Variants in CFAP57 observed in about 807,000 individuals in gnomAD.
CFAP57 encodes the protein cilia and flagella associated protein 57.
In CFAP57, 116 loss-of-function variants were observed where a neutral mutation model predicts 146.8. The observed-to-expected ratio is 0.79, with a 90% CI of 0.68 to 0.92. The LOEUF (loss-of-function observed/expected upper bound fraction) is 0.92, where lower values mean the gene tolerates loss of function less well. Among genes scored for constraint, CFAP57 ranks in the 40% least tolerant of loss-of-function variants. The pLI is 0.00. For synonymous variants in CFAP57, 518 were observed against 552.8 expected (o/e 0.94, Z 0.88); for missense variants, 1,377 against 1,527.2 (o/e 0.90, Z 1.64).
chr1:43,219,206 A>G (rs1179282923), intron 12 of CFAP57, among the ~76,000 whole-genome samples, 176 bp from the exon 13 acceptor site: 2 of 152,216 alleles, frequency 1.3e-5, no homozygotes, highest in Non-Finnish European at 2.9e-5. Flanking sequence ...GGAAGCTCAT[A>G]TGTCTCCTCA....
chr1:43,231,580 G>T (rs535161512), intron 18 of CFAP57, among the ~76,000 whole-genome samples: 1 of 152,030 alleles, frequency 6.6e-6, no homozygotes, highest in African/African-American at 2.4e-5. Flanking sequence ...CAGCCCGGGC[G>T]CAGTGGCTCA....
chr1:43,187,947 G>A (rs1485833455), intron 6 of CFAP57, among the ~76,000 whole-genome samples: 1 of 152,048 alleles, frequency 6.6e-6, no homozygotes, highest in Admixed American at 6.6e-5. Context: ...AGGACTACAG[G>A]TGCACGCCAC....
intron 16 of CFAP57, 73 bp downstream of exon 16, chr1:43,223,070 C>T (rs1645110512): frequency 8.1e-6 from 12 of 1,473,076 alleles, no homozygotes; most frequent in African/African-American, 1.4e-5. Flanking sequence ...GGTGGACTGA[C>T]CGGCCTGGGG....
At chr1:43,179,720 T>A (rs1327965580) in intron 2 of CFAP57, among the ~76,000 whole-genome samples, 2 of 152,198 alleles carry the variant, frequency 1.3e-5, no homozygotes, top group Admixed American at 6.5e-5. Context: ...TTTAGAACCA[T>A]GTCCACCTGC....
intron 2 of CFAP57, among the ~76,000 whole-genome samples, chr1:43,177,476 GT>G (rs1303639450): frequency 6.6e-6 from 1 of 152,122 alleles, no homozygotes; most frequent in African/African-American, 2.4e-5. Flanking sequence ...CAGTAAGCAG[GT>G]TGATTTCAGG....
intron 2 of CFAP57, among the ~76,000 whole-genome samples, chr1:43,180,431 AGTGGATAAGTGGATG>A (rs1337319460): frequency 2.0e-5 from 3 of 151,784 alleles, no homozygotes. Context: ...CACTGTGTCT[AGTGGATAAGTGGATG>A]GTGGATACAG....
rs1557845135 is a variant in CFAP57, at chr1:43,254,023, T to A, written c.3585T>A (p.Asn1195Lys). ...GCACAGCTCCCACCGCAAGGTTGAA[T>A]GAGCAAGAAGAAACTGGGAGGATCA... ...MLSTAPTARL[N>K]EQEETGRIIE... Residue 1195 changes from asparagine to lysine, a missense_variant, in exon 23 of 23, where the codon AAT (asparagine) becomes AAA (lysine). Asn to Lys is a moderately conservative substitution (Grantham distance 94, BLOSUM62 0). Coordinates refer to ENST00000372492, the MANE Select transcript of CFAP57 (RefSeq NM_001378189.1). 2.6e-6 allele frequency: 4 copies of A among 1,550,526 alleles called. No homozygotes were observed. The highest frequency in any genetic ancestry group is 2.6e-6 in the Non-Finnish European group (3 of 1,147,000).
rs970873145 is a variant in CFAP57, at chr1:43,221,449, G to C, written c.2325G>C (p.Arg775=). 2 of 1,535,690 alleles carry C rather than the reference G, an allele frequency of 1.3e-6. No individual in the cohort carries two copies. ...AAGACCTCCTAGACAAGCAAAGCCGGGAACTGCAGGACATGGGTGAGCCCA... is the reference window on the plus strand; with the variant it reads ...AAGACCTCCTAGACAAGCAAAGCCGCGAACTGCAGGACATGGGTGAGCCCA... ...HIEDLLDKQS[R]ELQDMECCNN... is the part of the protein sequence containing the mutation. Residue 775 remains arginine, a synonymous_variant, in exon 14 of 23, where the codon CGG becomes CGC. Transcript: ENST00000372492.
At chr1:43,175,302 T>C (rs1028054004) in intron 2 of CFAP57, among the ~76,000 whole-genome samples, 5 of 151,976 alleles carry the variant, frequency 3.3e-5, no homozygotes, top group Non-Finnish European at 5.9e-5. Flanking sequence ...CCATATACTA[T>C]ATGTACATGT....
chr1:43,185,369 GAAAA>G lies in CFAP57; in HGVS notation c.969+18_969+21del. On this transcript the variant is annotated intron_variant, in intron 5 of 22. Coordinates refer to ENST00000372492, the MANE Select transcript of CFAP57 (RefSeq NM_001378189.1). ...CAGAGAAATCAGGGTAAGGCGGGAA[GAAAA>G]AAAAGAAGTAAAATGGGGGTCCTAT... 6.2e-7 allele frequency: 1 copy of G among 1,612,012 alleles called. No individual in the cohort carries two copies. Among genetic ancestry groups the G allele is most frequent in the East Asian group, 2.2e-5 (1 of 44,834 alleles).
intron 11 of CFAP57, among the ~76,000 whole-genome samples, chr1:43,215,025 C>T (rs537224963): frequency 1.1e-4 from 16 of 152,296 alleles, no homozygotes; most frequent in African/African-American, 3.6e-4. Context: ...TAGATAATAG[C>T]TGACTCTTCA....
intron 17 of CFAP57, among the ~76,000 whole-genome samples, chr1:43,226,673 T>C (rs1329025005): frequency 6.6e-6 from 1 of 152,210 alleles, no homozygotes; most frequent in Non-Finnish European, 1.5e-5. Context: ...AGCAGCAAGG[T>C]CACGCTGTAG....
intron 8 of CFAP57, 69 bp from the exon 9 acceptor site, chr1:43,199,321 C>A (rs144406957): frequency 2.7e-5 from 40 of 1,492,560 alleles, no homozygotes; most frequent in Non-Finnish European, 3.6e-5. Flanking sequence ...AAAAGCACCT[C>A]TTGACTGTAA....
At chr1:43,241,564 G>T (rs574459326) in intron 21 of CFAP57, among the ~76,000 whole-genome samples, 55 of 152,196 alleles carry the variant, frequency 3.6e-4, no homozygotes, top group African/African-American at 1.3e-3. Context: ...CACCACTCGT[G>T]AGATAATGTC....
At chr1:43,230,673 C>A (rs1168663827) in intron 18 of CFAP57, among the ~76,000 whole-genome samples, 1 of 152,178 alleles carries the variant, frequency 6.6e-6, no homozygotes, top group Non-Finnish European at 1.5e-5. Context: ...AATTCTTTCC[C>A]CTTTTGTCCT....
rs765051014 is a variant in CFAP57 at position 43,221,400 on chromosome 1, A to T, written c.2276A>T (p.Asp759Val). 2 of 1,544,274 alleles carry T rather than the reference A, an allele frequency of 1.3e-6. No homozygotes were observed. Among genetic ancestry groups the T allele is most frequent in the South Asian group, 2.4e-5 (2 of 82,794 alleles). The change falls in exon 14 of 23, where the codon GAT becomes GTT. Residue 759 changes from aspartate to valine, a missense_variant. By Grantham distance (152) the Asp-to-Val change is radical. Coordinates refer to ENST00000372492, the MANE Select transcript of CFAP57 (RefSeq NM_001378189.1). ...QVLRTEKEKQ[D>V]VYHHEHIEDL... ...TTAAGAACAGAAAAAGAGAAGCAGG[A>T]TGTTTATCACCATGAGCACATAGAA...
intron 21 of CFAP57, among the ~76,000 whole-genome samples, chr1:43,241,437 G>A (rs2991340): frequency 0.3 from 45,618 of 151,768 alleles, 8,375 homozygotes; most frequent in Non-Finnish European, 0.41. Flanking sequence ...TCTCTAGCCC[G>A]ACCCCTGCTC....
chr1:43,186,398 T>C (rs897961027), intron 5 of CFAP57, among the ~76,000 whole-genome samples: 6 of 151,806 alleles, frequency 4.0e-5, no homozygotes, highest in Non-Finnish European at 7.4e-5. Flanking sequence ...GATCATGAGG[T>C]CAGGAGATCG....
intron 2 of CFAP57, among the ~76,000 whole-genome samples, chr1:43,177,371 G>A (rs1557722292): frequency 6.6e-6 from 1 of 152,200 alleles, no homozygotes; most frequent in Non-Finnish European, 1.5e-5. Context: ...GCATGGAGTT[G>A]CTGTTGATTG....
Sources: allele counts gnomAD v4.1 joint callset (sites outside exome capture counted in the v4.1 genomes callset), GRCh38; gene constraint gnomAD v4.1.1; transcripts MANE v1.5; gene names NCBI Gene and HGNC (gene_info 2026-07-23, HGNC 2026-07-21).